Variants in GNA14 observed in about 807,000 individuals in gnomAD.
The protein encoded by GNA14 is G protein subunit alpha 14, also known as guanine nucleotide-binding protein subunit alpha-14.
A neutral mutation model predicts 42.0 loss-of-function variants in GNA14; 50 were observed. That is an observed-to-expected ratio of 1.19 (90% CI 0.95 to 1.51). The LOEUF is 1.51. GNA14 is among the 40% of genes most tolerant of loss of function. The pLI is 0.00. For missense variants in GNA14, 473 were observed against 446.2 expected (o/e 1.06, Z -0.54); for synonymous variants, 173 against 163.1 (o/e 1.06, Z -0.46).
chr9:77,607,876 C>T (rs754499699), intron 1 of GNA14, among the ~76,000 whole-genome samples: 3 of 152,144 alleles, frequency 2.0e-5, no homozygotes, highest in East Asian at 1.9e-4. Context: ...GGACTGGGAC[C>T]GCACCCTCCT....
At chr9:77,433,395 C>CT (rs1005780627) in intron 3 of GNA14, among the ~76,000 whole-genome samples, 34 of 150,978 alleles carry the variant, frequency 2.3e-4, no homozygotes, top group Admixed American at 6.6e-4. Context: ...TTTACATTTT[C>CT]TTTTTTTTTG....
intron 1 of GNA14, among the ~76,000 whole-genome samples, chr9:77,567,885 A>AT (rs1190002136): frequency 2.0e-5 from 3 of 152,124 alleles, no homozygotes; most frequent in Admixed American, 2.0e-4. Flanking sequence ...AAAAACAAGT[A>AT]TTCCATTATG....
chr9:77,532,956 T>C (rs907530903), intron 1 of GNA14, among the ~76,000 whole-genome samples: 2 of 152,222 alleles, frequency 1.3e-5, no homozygotes, highest in Non-Finnish European at 1.5e-5. Context: ...CACTTAGATG[T>C]AATGAGGCTA....
intron 2 of GNA14, among the ~76,000 whole-genome samples, chr9:77,491,412 A>G (rs961886479): frequency 6.6e-6 from 1 of 152,250 alleles, no homozygotes; most frequent in African/African-American, 2.4e-5. Context: ...GCTGCCTACA[A>G]AAACCTGCTT....
intron 3 of GNA14, 110 bp from the exon 4 acceptor site, chr9:77,431,559 G>T (rs749641117): frequency 1.8e-5 from 16 of 911,480 alleles, no homozygotes; most frequent in Non-Finnish European, 1.7e-6. Context: ...ACAGACACAC[G>T]AATTCCATCA....
Position 77,589,710 on chromosome 9 carries a change from G to A in GNA14, c.124+57960C>T, listed in dbSNP as rs907946098. Among the ~76,000 whole-genome samples the A allele has an allele frequency of 4.6e-5, 7 of 152,178 alleles. No homozygotes were observed. In the East Asian group the frequency reaches 7.7e-4, roughly 17 times the overall value. ...TTGCCTAAAGCAACCATGATAGCCA[G>A]AGTTGCCTGCAAAAGCACATTGTCA... On this transcript the variant is annotated intron_variant, in intron 1 of 6. Coordinates refer to ENST00000341700, the MANE Select transcript of GNA14 (RefSeq NM_004297.4).
chr9:77,476,275 G>A (rs1836420612), intron 2 of GNA14, among the ~76,000 whole-genome samples: 1 of 152,114 alleles, frequency 6.6e-6, no homozygotes, highest in African/African-American at 2.4e-5. Context: ...GCCTCTCTTG[G>A]TACGTTAAAA....
intron 2 of GNA14, among the ~76,000 whole-genome samples, chr9:77,443,154 A>G (rs546266691): frequency 7.2e-5 from 11 of 152,370 alleles, no homozygotes; most frequent in African/African-American, 2.6e-4. Context: ...AAAACTCAGG[A>G]AAAATATAGA....
intron 1 of GNA14, among the ~76,000 whole-genome samples, chr9:77,555,490 T>A (rs1822760497): frequency 6.6e-6 from 1 of 151,854 alleles, no homozygotes; most frequent in African/African-American, 2.4e-5. Flanking sequence ...GGTGACAGAG[T>A]GAGACCCAAT....
intron 2 of GNA14, among the ~76,000 whole-genome samples, chr9:77,495,600 G>T (rs1053245919): frequency 1.3e-5 from 2 of 152,180 alleles, no homozygotes; most frequent in Non-Finnish European, 2.9e-5. Context: ...AGCAAATATG[G>T]ATAAATGGTT....
At chr9:77,489,601 GTCTGTCCCT>G (rs1836724308) in intron 2 of GNA14, among the ~76,000 whole-genome samples, 1 of 152,210 alleles carries the variant, frequency 6.6e-6, no homozygotes, top group South Asian at 2.1e-4. Context: ...TGCACCTGGA[GTCTGTCCCT>G]TCTGATGTTC....
chr9:77,623,230 A>AT (rs1345741504), intron 1 of GNA14, among the ~76,000 whole-genome samples: 21 of 106,956 alleles, frequency 2.0e-4, no homozygotes, highest in African/African-American at 1.2e-3. Context: ...AAAAAAAAAA[A>AT]AAAAAAAAAA....
At chr9:77,424,846 C>G (rs551852819) in intron 6 of GNA14, among the ~76,000 whole-genome samples, 3 of 151,986 alleles carry the variant, frequency 2.0e-5, no homozygotes, top group Admixed American at 2.0e-4. Flanking sequence ...TTTTAAAGCT[C>G]GAGGGTGCTA....
intron 1 of GNA14, among the ~76,000 whole-genome samples, chr9:77,645,064 G>A (rs1407884009): frequency 6.6e-6 from 1 of 152,098 alleles, no homozygotes; most frequent in Non-Finnish European, 1.5e-5. Flanking sequence ...TCTTTCCCTA[G>A]TAGACACTGA....
chr9:77,423,898 T>G lies in GNA14; in HGVS notation c.*81A>C. 1.0e-6 allele frequency: 1 copy of G among 967,446 alleles called. No homozygotes were observed. The highest frequency in any genetic ancestry group is 1.5e-6 in the Non-Finnish European group (1 of 650,934). 59.9% of individuals were successfully genotyped at this position (967,446 alleles called of 1,614,324 possible). ...GTTCCTGGCATGGGGCTGGCTCTGG[T>G]GATGTCAGAAGCACTTGCAAATAAA... On this transcript the variant is annotated 3_prime_UTR_variant, in exon 7 of 7. Coordinates refer to ENST00000341700, the MANE Select transcript of GNA14 (RefSeq NM_004297.4).
At chr9:77,609,894 T>G (rs1029776880) in intron 1 of GNA14, among the ~76,000 whole-genome samples, 1 of 152,212 alleles carries the variant, frequency 6.6e-6, no homozygotes, top group South Asian at 2.1e-4. Context: ...GGTTCATGTA[T>G]CTGACCAAGG....
At chr9:77,513,589 G>A (rs768896039) in intron 2 of GNA14, among the ~76,000 whole-genome samples, 1 of 152,196 alleles carries the variant, frequency 6.6e-6, no homozygotes, top group South Asian at 2.1e-4. Context: ...TGACACAGGG[G>A]ACACACTCAA....
At chr9:77,582,717 A>G (rs1823243812) in intron 1 of GNA14, among the ~76,000 whole-genome samples, 1 of 152,202 alleles carries the variant, frequency 6.6e-6, no homozygotes, top group African/African-American at 2.4e-5. Context: ...TCGGTCTGAT[A>G]TACAGACTGA....
intron 1 of GNA14, among the ~76,000 whole-genome samples, chr9:77,553,178 T>C (rs1322358821): frequency 6.6e-6 from 1 of 152,206 alleles, no homozygotes; most frequent in Non-Finnish European, 1.5e-5. Flanking sequence ...ATTAGCCTTG[T>C]TCTTTTCTAC....
Sources: gnomAD v4.1 joint callset for allele counts (sites outside exome capture counted in the v4.1 genomes callset) on GRCh38, gnomAD v4.1.1 for gene constraint, MANE v1.5 for transcripts, NCBI Gene and HGNC (gene_info 2026-07-23, HGNC 2026-07-21) for gene names.